Variants in TMEM44 observed in about 807,000 individuals in gnomAD.
TMEM44 encodes the protein transmembrane protein 44.
In TMEM44, 43 loss-of-function variants were observed where a neutral mutation model predicts 47.8. The observed-to-expected ratio is 0.90, with a 90% confidence interval of 0.70 to 1.16. TMEM44 has a LOEUF of 1.16. Ranked by LOEUF, TMEM44 falls within the 50% of genes most tolerant of loss-of-function variation. The pLI is 0.00. For synonymous variants in TMEM44, 277 were observed against 238.8 expected (o/e 1.16, Z -1.48); for missense variants, 568 against 555.2 (o/e 1.02, Z -0.23).
At chr3:194,601,081 G>C (rs1427321543) in intron 9 of TMEM44, among the ~76,000 whole-genome samples, 1 of 152,000 alleles carries the variant, frequency 6.6e-6, no homozygotes, top group Non-Finnish European at 1.5e-5. Flanking sequence ...TTTTGCATGG[G>C]CAAAAGCGTT....
intron 9 of TMEM44, among the ~76,000 whole-genome samples, chr3:194,595,366 T>A (rs1384210778): frequency 2.0e-5 from 3 of 152,230 alleles, no homozygotes; most frequent in Non-Finnish European, 2.9e-5. Flanking sequence ...CTATATAGCA[T>A]GTAGTAATGT....
At chr3:194,619,954 C>G (rs1034774216) in intron 5 of TMEM44, among the ~76,000 whole-genome samples, 1 of 152,134 alleles carries the variant, frequency 6.6e-6, no homozygotes, top group East Asian at 1.9e-4. Flanking sequence ...TCTCCAGATG[C>G]TGGGCACTGT....
rs1209941995 is a variant in TMEM44 at position 194,588,916 on chromosome 3, G to C, written c.1177-277C>G. ...CTCCACTCTTCTCTGCCTCTACCAA[G>C]TCCTTATCTAGTGACACTGAGTCAT... On this transcript the variant is annotated intron_variant, in intron 9 of 9. Transcript: ENST00000347147. 1.8e-5 allele frequency: 8 copies of C among 439,246 alleles called. No homozygotes were observed. The East Asian group carries it at 3.6e-4, about 20-fold the overall frequency. The allele number at this position is 439,246 out of a possible 1,614,324, so 27.2% of individuals were successfully genotyped here.
chr3:194,601,995 C>G (rs999167748), intron 9 of TMEM44, among the ~76,000 whole-genome samples: 3 of 152,164 alleles, frequency 2.0e-5, no homozygotes, highest in African/African-American at 7.2e-5. Context: ...CTTCACTGTC[C>G]CTGCTCACTG....
chr3:194,616,598 C>A lies in TMEM44; in HGVS notation c.783+501G>T, dbSNP rs116749448. 535 of 456,726 alleles carry A rather than the reference C, an allele frequency of 1.2e-3. 4 individuals are homozygous for A. Among genetic ancestry groups the A allele is most frequent in the African/African-American group, 9.9e-3 (496 of 50,182 alleles). 28.3% of individuals were successfully genotyped at this position (456,726 alleles called of 1,614,324 possible). ...CAGCTCCACTGGCAGCTGGAAGAGG[C>A]AAGCGAAGATTCCCCTCTTAGCGCC... On this transcript the variant is annotated intron_variant, in intron 6 of 9. Coordinates refer to ENST00000347147, the MANE Select transcript of TMEM44 (RefSeq NM_001011655.3).
chr3:194,602,998 G>A (rs548716521), intron 9 of TMEM44, among the ~76,000 whole-genome samples: 21 of 152,288 alleles, frequency 1.4e-4, no homozygotes, highest in African/African-American at 5.1e-4. Flanking sequence ...AAAACAGTTG[G>A]GAGGACACAA....
At position 194,591,989 on chromosome 3, in the gene TMEM44, C is replaced by T. The variant is rs373686686; in HGVS notation, c.1177-3350G>A. ...ATCCCAGCACTTTGGGAGGCCGAGG[C>T]GGGTGGATCATGAGGTCAGGAGATC... On this transcript the variant is annotated intron_variant, in intron 9 of 9. Coordinates refer to ENST00000347147, the MANE Select transcript of TMEM44 (RefSeq NM_001011655.3). 8.8e-3 allele frequency among the ~76,000 whole-genome samples: 1,343 copies of T among 152,126 alleles called. 17 individuals are homozygous for T. The highest frequency in any genetic ancestry group is 0.028 in the African/African-American group (1,152 of 41,508).
chr3:194,628,886 G>T (rs954759348), intron 1 of TMEM44, among the ~76,000 whole-genome samples: 3 of 152,242 alleles, frequency 2.0e-5, no homozygotes, highest in African/African-American at 7.2e-5. Context: ...AACTCAGGCT[G>T]GGTATGGTGG....
chr3:194,603,286 C>T (rs574222883), intron 9 of TMEM44, among the ~76,000 whole-genome samples: 64 of 152,228 alleles, frequency 4.2e-4, no homozygotes, highest in Non-Finnish European at 8.2e-4. Flanking sequence ...AGGTGTCAGC[C>T]GTGGTGCCCA....
intron 3 of TMEM44, among the ~76,000 whole-genome samples, chr3:194,625,092 C>T (rs894778222): frequency 5.3e-5 from 8 of 152,200 alleles, no homozygotes; most frequent in Non-Finnish European, 8.8e-5. Context: ...CACAGACACT[C>T]GGGGCCACTC....
intron 5 of TMEM44, chr3:194,617,694 C>T (rs12695036): frequency 0.4 from 278,146 of 703,416 alleles, 60,908 homozygotes; most frequent in East Asian, 0.78. Flanking sequence ...GCTGGGAGAA[C>T]GTGAGGGAGA....
chr3:194,612,617 C>CAA (rs34561970), intron 7 of TMEM44, among the ~76,000 whole-genome samples: 3,144 of 141,508 alleles, frequency 0.022, 84 homozygotes, highest in African/African-American at 0.069. Context: ...GAGTTTTTTC[C>CAA]AAAAAAAAAA....
intron 8 of TMEM44, 117 bp downstream of exon 8, chr3:194,610,799 C>T (rs1417504136): frequency 2.3e-6 from 2 of 879,770 alleles, no homozygotes; most frequent in Non-Finnish European, 3.5e-6. Flanking sequence ...TCTTTTTTAC[C>T]TGCTTCTCTT....
intron 9 of TMEM44, 77 bp downstream of exon 9, chr3:194,604,210 A>G (rs6768028): frequency 0.35 from 533,558 of 1,511,724 alleles, 101,195 homozygotes; most frequent in East Asian, 0.76. Context: ...ACAGCTGCAC[A>G]AGCCCCAAGG....
In TMEM44 at chr3:194,617,265, C is replaced by A. The variant is rs764024570; in HGVS notation, c.617G>T (p.Arg206Leu). Residue 206 changes from arginine (R) to leucine (L), a missense_variant, in exon 6 of 10, where the codon CGG (arginine) becomes CTG (leucine). Coordinates refer to ENST00000347147, the MANE Select transcript of TMEM44 (RefSeq NM_001011655.3). Reference protein sequence around the residue: ...SRIPPLSRICRGKTFPSIHLW... With the variant: ...SRIPPLSRICLGKTFPSIHLW... The stretch of plus-strand genomic sequence containing the variant: ...GTGGATGGAGGGAAATGTCTTCCCC[C>A]GGCACTGGGCAGAGAGAGGGAGGGG... The A allele has an allele frequency of 1.7e-6, 2 of 1,191,806 alleles. No individual in the cohort carries two copies. Among genetic ancestry groups the A allele is most frequent in the East Asian group, 4.5e-5 (1 of 22,166 alleles). 73.8% of individuals were successfully genotyped at this position (1,191,806 alleles called of 1,614,324 possible). A position where few individuals can be genotyped will look rare whatever the true frequency, so the allele number is the denominator to read the frequency against.
In TMEM44 at chr3:194,588,045, G is replaced by A. The variant is rs1712073357; in HGVS notation, c.*484C>T. 6.5e-6 allele frequency: 1 copy of A among 153,758 alleles called. No homozygotes were observed. Among genetic ancestry groups the A allele is most frequent in the African/African-American group, 2.4e-5 (1 of 41,478 alleles). The allele number at this position is 153,758 out of a possible 1,614,324, so 9.5% of individuals were successfully genotyped here. ...GTGGGTGACTGGGGGGTGGAAGCCA[G>A]GTCTCGGTTCCTGTGTGTGACCCAA... is the stretch of plus-strand genomic sequence containing the variant. On this transcript the variant is annotated 3_prime_UTR_variant, in exon 10 of 10. Coordinates refer to ENST00000347147, the MANE Select transcript of TMEM44 (RefSeq NM_001011655.3).
chr3:194,618,461 TTATA>T (rs973331504), intron 5 of TMEM44, among the ~76,000 whole-genome samples: 14 of 149,078 alleles, frequency 9.4e-5, no homozygotes, highest in African/African-American at 3.2e-4. Context: ...ATTAGATGAG[TTATA>T]TATAAACTAA....
chr3:194,628,245 C>T, intron 2 of TMEM44, 138 bp downstream of exon 2: 1 of 1,219,412 alleles, frequency 8.2e-7, no homozygotes, highest in South Asian at 1.7e-5. Flanking sequence ...AAGGAACAGC[C>T]AGGCACAGGT....
intron 9 of TMEM44, among the ~76,000 whole-genome samples, chr3:194,592,046 G>A (rs1263611583): frequency 2.0e-5 from 3 of 151,922 alleles, no homozygotes; most frequent in Admixed American, 6.6e-5. Flanking sequence ...GTGAAACCCC[G>A]TCTCTACTAA....
Sources: gnomAD v4.1 joint callset for allele counts (sites outside exome capture counted in the v4.1 genomes callset) on GRCh38, gnomAD v4.1.1 for gene constraint, MANE v1.5 for transcripts, NCBI Gene and HGNC (gene_info 2026-07-23, HGNC 2026-07-21) for gene names.